The following FABP7 variants were observed in gnomAD, a reference collection of about 807,000 sequenced individuals.
FABP7 encodes fatty acid-binding protein, brain.
Under a neutral mutation model 14.2 loss-of-function variants are expected in FABP7, and 13 were observed. The observed-to-expected ratio is 0.91, with a 90% CI of 0.59 to 1.45. The LOEUF (loss-of-function observed/expected upper bound fraction) is 1.45, where lower values mean the gene tolerates loss of function less well. Ranked by LOEUF, FABP7 falls within the 40% of genes most tolerant of loss-of-function variation. The probability of loss-of-function intolerance (pLI) is 0.00; values close to 1 mark genes in which losing one functional copy is unlikely to be tolerated. For missense variants in FABP7, 149 were observed against 157.6 expected, an observed-to-expected ratio of 0.95 and a Z score of 0.29; for synonymous variants, 49 against 51.4, an observed-to-expected ratio of 0.95 and a Z score of 0.20.
chr6:122,771,680 GA>G, the FABP7 span, among the ~76,000 whole-genome samples: 1 of 152,144 alleles, frequency 6.6e-6, no homozygotes, highest in Non-Finnish European at 1.5e-5. Flanking sequence ...TCATTTTAAA[GA>G]AAAAACCTAA....
At position 122,783,813 on chromosome 6, in the gene FABP7, T is replaced by G. The variant is rs963406550; in HGVS notation, c.*46T>G. ...TGGAAGAGCTCTTCAGTTTTTCTGT[T>G]TCCTCAAGTCTCAGTGCTATCCTAT... On this transcript the variant is annotated 3_prime_UTR_variant, in exon 4 of 4. Coordinates refer to ENST00000368444, the MANE Select transcript of FABP7 (RefSeq NM_001446.5). 59 of 1,492,896 alleles carry G rather than the reference T, an allele frequency of 4.0e-5. No individual in the cohort carries two copies. Among genetic ancestry groups the G allele is most frequent in the Non-Finnish European group, 5.5e-5 (59 of 1,076,348 alleles). 92.5% of individuals were successfully genotyped at this position (1,492,896 alleles called of 1,614,324 possible).
chr6:122,756,193 C>T, the FABP7 span, among the ~76,000 whole-genome samples: 2 of 152,276 alleles, frequency 1.3e-5, no homozygotes, highest in Middle Eastern at 3.4e-3. Context: ...ACCTACTTCT[C>T]GCCCTTTGCC....
chr6:122,767,495 T>A, the FABP7 span, among the ~76,000 whole-genome samples: 43 of 152,078 alleles, frequency 2.8e-4, no homozygotes, highest in African/African-American at 8.9e-4. Context: ...GGTGGTGAAA[T>A]GTTCAATAAG....
chr6:122,781,718 T>C, intron 3 of FABP7: 1 of 945,832 alleles, frequency 1.1e-6, no homozygotes, highest in Non-Finnish European at 1.3e-6. Flanking sequence ...AAATCCCCTC[T>C]GATTTCTCAT....
At chr6:122,778,900 A>G (rs960850888), upstream of FABP7, among the ~76,000 whole-genome samples, 12 of 152,134 alleles carry the variant, frequency 7.9e-5, no homozygotes, top group African/African-American at 2.4e-5. Context: ...GTTTTTCCAC[A>G]TGGGTTCTAT....
Position 122,782,269 on chromosome 6 carries a change from G to A in FABP7, c.348+1075G>A, listed in dbSNP as rs1466220458. 3 of 869,056 alleles carry A rather than the reference G, an allele frequency of 3.5e-6. No homozygotes were observed. The African/African-American group carries it at 5.5e-5, about 16-fold the overall frequency. The allele number at this position is 869,056 out of a possible 1,614,324, so 53.8% of individuals were successfully genotyped here. A position where few individuals can be genotyped will look rare whatever the true frequency, so the allele number is the denominator to read the frequency against. On this transcript the variant is annotated intron_variant, in intron 3 of 3. Transcript: ENST00000368444. ...ACAAACTTGGTGGCTTAAAACAACAGAAATGAATTTTCTCAGTTCTGAAAG... is the reference window on the plus strand; with the variant it reads ...ACAAACTTGGTGGCTTAAAACAACAAAAATGAATTTTCTCAGTTCTGAAAG...
upstream of FABP7, among the ~76,000 whole-genome samples, chr6:122,778,959 G>A (rs1009889623): frequency 1.3e-5 from 2 of 152,052 alleles, no homozygotes; most frequent in African/African-American, 4.8e-5. Context: ...ATTTATTTTT[G>A]TACCTCATTA....
chr6:122,776,498 G>C (rs1054629374), upstream of FABP7, among the ~76,000 whole-genome samples: 91 of 152,246 alleles, frequency 6.0e-4, no homozygotes, highest in African/African-American at 2.1e-3. Flanking sequence ...ATAGAATGGT[G>C]GTTACAAGAG....
At chr6:122,758,124 T>TTA in the FABP7 span, among the ~76,000 whole-genome samples, 73 of 146,634 alleles carry the variant, frequency 5.0e-4, no homozygotes, top group East Asian at 4.6e-3. Flanking sequence ...TTTTTTTTTT[T>TTA]AATTAACAGA....
At chr6:122,757,517 G>A in the FABP7 span, among the ~76,000 whole-genome samples, 1 of 151,964 alleles carries the variant, frequency 6.6e-6, no homozygotes, top group Non-Finnish European at 1.5e-5. Flanking sequence ...AGAGGAGGAG[G>A]GAGTCCTTGA....
chr6:122,755,566 G>A, the FABP7 span, among the ~76,000 whole-genome samples: 1 of 149,192 alleles, frequency 6.7e-6, no homozygotes, highest in Non-Finnish European at 1.5e-5. Context: ...CCATTCTCCT[G>A]CCTCAGCCTC....
the FABP7 span, among the ~76,000 whole-genome samples, chr6:122,755,919 G>T: frequency 3.3e-5 from 5 of 152,136 alleles, no homozygotes. Context: ...ACATCAAGGA[G>T]GATGCTGTAA....
chr6:122,770,359 T>C, the FABP7 span, among the ~76,000 whole-genome samples: 3 of 152,100 alleles, frequency 2.0e-5, no homozygotes, highest in African/African-American at 7.2e-5. Context: ...ATTTCTTCCT[T>C]GCTGCATAAC....
chr6:122,759,859 T>C, the FABP7 span, among the ~76,000 whole-genome samples: 5 of 152,248 alleles, frequency 3.3e-5, no homozygotes, highest in Admixed American at 1.3e-4. Flanking sequence ...CAGTGGCTCA[T>C]GCCTGTAATC....
chr6:122,766,303 C>G, the FABP7 span, among the ~76,000 whole-genome samples: 1 of 152,080 alleles, frequency 6.6e-6, no homozygotes, highest in Non-Finnish European at 1.5e-5. Context: ...TACTACACTT[C>G]TTAGGGTACA....
At chr6:122,756,021 G>A in the FABP7 span, among the ~76,000 whole-genome samples, 1 of 152,182 alleles carries the variant, frequency 6.6e-6, no homozygotes, top group Non-Finnish European at 1.5e-5. Flanking sequence ...CAACACACTT[G>A]TGGGTAATTA....
At chr6:122,753,689 A>G in the FABP7 span, among the ~76,000 whole-genome samples, 1 of 151,108 alleles carries the variant, frequency 6.6e-6, no homozygotes, top group African/African-American at 2.4e-5. Context: ...GAAAGCAGGG[A>G]TTTATTGAAA....
the FABP7 span, among the ~76,000 whole-genome samples, chr6:122,756,869 A>G: frequency 6.6e-6 from 1 of 152,106 alleles, no homozygotes; most frequent in Admixed American, 6.5e-5. Context: ...ATATGACACT[A>G]TCCTTGTTTT....
At chr6:122,781,596 T>C (rs1473806718) in intron 3 of FABP7, 1 of 1,171,722 alleles carries the variant, frequency 8.5e-7, no homozygotes, top group Non-Finnish European at 1.1e-6. Context: ...CAGATGACTT[T>C]ATAGCTCCTG....
Sources: gnomAD v4.1 joint callset for allele counts (sites outside exome capture counted in the v4.1 genomes callset) on GRCh38, gnomAD v4.1.1 for gene constraint, MANE v1.5 for transcripts, NCBI Gene and HGNC (gene_info 2026-07-23, HGNC 2026-07-21) for gene names.